The following STRADB variants were observed in gnomAD, a reference collection of about 807,000 sequenced individuals.
STRADB encodes the protein STE20-related kinase adapter protein beta.
A neutral mutation model predicts 52.1 loss-of-function variants in STRADB; 34 were observed. The observed-to-expected ratio is 0.65, with a 90% CI of 0.50 to 0.87. STRADB has a LOEUF of 0.87. Among genes scored for constraint, STRADB ranks in the 40% least tolerant of loss-of-function variants. The probability of loss-of-function intolerance (pLI) is 0.00; values close to 1 mark genes in which losing one functional copy is unlikely to be tolerated. For synonymous variants in STRADB, 133 were observed against 174.5 expected, an observed-to-expected ratio of 0.76 and a Z score of 1.87; for missense variants, 340 against 483.9, an observed-to-expected ratio of 0.70 and a Z score of 2.79.
chr2:201,452,304 A>G (rs901895068), intron 1 of STRADB, among the ~76,000 whole-genome samples: 1 of 152,188 alleles, frequency 6.6e-6, no homozygotes, highest in Non-Finnish European at 1.5e-5. Context: ...GAGTTGCCAT[A>G]TCGAAGACAC....
At position 201,459,346 on chromosome 2, in the gene STRADB, A is replaced by G. The variant is rs1175213455; in HGVS notation, c.93+482A>G. On this transcript the variant is annotated intron_variant, in intron 3 of 11. Transcript: ENST00000194530. ...TTTCCTGGGCAACAGACGTGTCTCT[A>G]GAATACCTCCAATTGGATTTTTCTA... 1.1e-4 allele frequency among the ~76,000 whole-genome samples: 16 copies of G among 152,228 alleles called. No homozygotes were observed. The East Asian group carries it at 2.9e-3, about 28-fold the overall frequency.
At chr2:201,469,017 T>C (rs758970402) in intron 3 of STRADB, among the ~76,000 whole-genome samples, 1 of 152,230 alleles carries the variant, frequency 6.6e-6, no homozygotes, top group Non-Finnish European at 1.5e-5. Flanking sequence ...TGAACAATAG[T>C]CAGCCTTATT....
chr2:201,460,832 GTA>G (rs1298933287), intron 3 of STRADB: 9 of 309,518 alleles, frequency 2.9e-5, no homozygotes, highest in Admixed American at 1.1e-4. Context: ...ACATGGATGT[GTA>G]TATATCTCTT....
In STRADB at chr2:201,458,333, C is replaced by T. The variant is rs565263573; in HGVS notation, c.13-451C>T. Among the ~76,000 whole-genome samples, 3 of 152,192 alleles carry T rather than the reference C, an allele frequency of 2.0e-5. No individual in the cohort carries two copies. In the East Asian group the frequency reaches 5.8e-4, roughly 29 times the overall value. Reference sequence around the variant, plus strand: ...TCACCTTTAAAAACAATTATTTTTTCACTCAATATGTGGCTTAATGTGAAT... The same window carrying T: ...TCACCTTTAAAAACAATTATTTTTTTACTCAATATGTGGCTTAATGTGAAT... On this transcript the variant is annotated intron_variant, in intron 2 of 11. Coordinates refer to ENST00000194530, the MANE Select transcript of STRADB (RefSeq NM_018571.6).
intron 2 of STRADB, 77 bp downstream of exon 2, chr2:201,454,929 C>A: frequency 1.5e-6 from 2 of 1,349,984 alleles, no homozygotes; most frequent in South Asian, 1.3e-5. Flanking sequence ...TAATAAAAGG[C>A]ATATTCTGAT....
At chr2:201,471,511 AT>A (rs892160234) in intron 4 of STRADB, among the ~76,000 whole-genome samples, 4 of 152,108 alleles carry the variant, frequency 2.6e-5, no homozygotes, top group African/African-American at 9.7e-5. Flanking sequence ...AACATTATGT[AT>A]TTTTTTCTTT....
chr2:201,452,968 T>A (rs570365810), intron 1 of STRADB, among the ~76,000 whole-genome samples: 22 of 152,334 alleles, frequency 1.4e-4, no homozygotes, highest in Non-Finnish European at 2.9e-4. Context: ...GACTTTTTTT[T>A]AAGAAAGGGT....
At chr2:201,465,358 C>T (rs988943678) in intron 3 of STRADB, among the ~76,000 whole-genome samples, 3 of 152,190 alleles carry the variant, frequency 2.0e-5, no homozygotes, top group Non-Finnish European at 2.9e-5. Context: ...GAGCAGTTTC[C>T]CTTCTGGCCC....
intron 4 of STRADB, among the ~76,000 whole-genome samples, chr2:201,471,254 C>T (rs1323828598): frequency 6.6e-6 from 1 of 152,056 alleles, no homozygotes; most frequent in Non-Finnish European, 1.5e-5. Flanking sequence ...GGGGAGAATA[C>T]CATATAGTTC....
intron 3 of STRADB, among the ~76,000 whole-genome samples, chr2:201,464,839 C>T (rs1168800440): frequency 1.3e-5 from 2 of 152,244 alleles, no homozygotes; most frequent in Non-Finnish European, 2.9e-5. Flanking sequence ...CTCTCCTTTC[C>T]TCAGGCAGAA....
At chr2:201,455,695 T>C (rs1952117451) in intron 2 of STRADB, among the ~76,000 whole-genome samples, 1 of 150,698 alleles carries the variant, frequency 6.6e-6, no homozygotes, top group South Asian at 2.1e-4. Context: ...TAGAGGGAGA[T>C]CCTGTCTCAA....
At chr2:201,476,973 T>G (rs1474099605) in intron 7 of STRADB, among the ~76,000 whole-genome samples, 1 of 66,238 alleles carries the variant, frequency 1.5e-5, no homozygotes, top group Non-Finnish European at 2.9e-5. Context: ...CAGAGTGAGA[T>G]TCTGTCTCAA....
At chr2:201,465,687 A>G (rs1313611915) in intron 3 of STRADB, among the ~76,000 whole-genome samples, 1 of 152,192 alleles carries the variant, frequency 6.6e-6, no homozygotes, top group African/African-American at 2.4e-5. Flanking sequence ...CTGGAATTGC[A>G]GTCCTCATGG....
Position 201,465,936 on chromosome 2 carries a change from G to A in STRADB, c.94-4017G>A, listed in dbSNP as rs1434231141. Among the ~76,000 whole-genome samples the A allele has an allele frequency of 3.3e-5, 5 of 152,280 alleles. No individual in the cohort carries two copies. In the Middle Eastern group the frequency reaches 0.01, roughly 311 times the overall value. On this transcript the variant is annotated intron_variant, in intron 3 of 11. Coordinates refer to ENST00000194530, the MANE Select transcript of STRADB (RefSeq NM_018571.6). The stretch of plus-strand genomic sequence containing the variant: ...CACAATCACTGCACTCTCCCTCCCC[G>A]GGGGATGCGGGAGGGGAGGCATCAG...
Position 201,451,820 on chromosome 2 carries a change from C to G in STRADB, c.-214C>G, listed in dbSNP as rs1320577631. The G allele has an allele frequency of 2.6e-5, 4 of 152,208 alleles. No individual in the cohort carries two copies. The highest frequency in any genetic ancestry group is 9.7e-5 in the African/African-American group (4 of 41,438). The allele number at this position is 152,208 out of a possible 1,614,324, so 9.4% of individuals were successfully genotyped here. A position where few individuals can be genotyped will look rare whatever the true frequency, so the allele number is the denominator to read the frequency against. On this transcript the variant is annotated 5_prime_UTR_variant, in exon 1 of 12. Transcript: ENST00000194530. ...GCGGCCTCGCCGCCCTCCCGCGCCC[C>G]GCGCCGGGAGCGGGCCTAGAGCGCT...
chr2:201,453,246 A>G (rs891897169), intron 1 of STRADB, among the ~76,000 whole-genome samples: 1 of 152,222 alleles, frequency 6.6e-6, no homozygotes, highest in Non-Finnish European at 1.5e-5. Flanking sequence ...AGACAACGTA[A>G]TGGAGTTTCA....
At position 201,454,834 on chromosome 2, in the gene STRADB, T is replaced by C. The variant is rs770177096; in HGVS notation, c.-7T>C. ...TTGTCACTTTCTGTGTGAACTAAAG[T>C]GATTCAATGTCTCTTTTGGTAAGTT... On this transcript the variant is annotated 5_prime_UTR_variant, in exon 2 of 12. It removes the in-frame stop codon of an upstream open reading frame in the 5' UTR. Coordinates refer to ENST00000194530, the MANE Select transcript of STRADB (RefSeq NM_018571.6). 9.3e-6 allele frequency: 15 copies of C among 1,607,396 alleles called. No individual in the cohort carries two copies. The highest frequency in any genetic ancestry group is 1.3e-5 in the Non-Finnish European group (15 of 1,177,184).
chr2:201,472,361 A>G (rs1297288038), intron 4 of STRADB, among the ~76,000 whole-genome samples: 1 of 152,248 alleles, frequency 6.6e-6, no homozygotes, highest in Non-Finnish European at 1.5e-5. Flanking sequence ...AATAGCCACC[A>G]TCAGCATTAT....
chr2:201,479,914 A>G, intron 11 of STRADB, 118 bp from the exon 12 acceptor site: 1 of 1,276,372 alleles, frequency 7.8e-7, no homozygotes, highest in Non-Finnish European at 1.1e-6. Flanking sequence ...TTTAGGGGAA[A>G]TACCTGAAAA....
Sources: allele counts gnomAD v4.1 joint callset (sites outside exome capture counted in the v4.1 genomes callset), GRCh38; gene constraint gnomAD v4.1.1; transcripts MANE v1.5; gene names NCBI Gene and HGNC (gene_info 2026-07-23, HGNC 2026-07-21).